SLC9A3: variants seen among roughly 807,000 people sequenced by gnomAD.
SLC9A3 encodes solute carrier family 9 member A3.
A neutral mutation model predicts 86.8 loss-of-function variants in SLC9A3; 37 were observed. The observed-to-expected ratio is 0.43, with a 90% confidence interval of 0.33 to 0.56. The LOEUF (loss-of-function observed/expected upper bound fraction) is 0.56, where lower values mean the gene tolerates loss of function less well. Ranked by LOEUF, SLC9A3 falls within the 20% of genes least tolerant of loss-of-function variation. The pLI is 0.06. For missense variants in SLC9A3, 1,011 were observed against 1,171.9 expected (o/e 0.86, Z 2.00); for synonymous variants, 581 against 528.3 (o/e 1.10, Z -1.37).
At chr5:502,343 C>T (rs756422268) in intron 1 of SLC9A3, among the ~76,000 whole-genome samples, 1 of 152,168 alleles carries the variant, frequency 6.6e-6, no homozygotes, top group Non-Finnish European at 1.5e-5. Context: ...CAGACACAGG[C>T]AGGTCCCAAG....
intron 1 of SLC9A3, among the ~76,000 whole-genome samples, chr5:509,336 C>T (rs1286768792): frequency 3.3e-5 from 5 of 151,944 alleles, no homozygotes; most frequent in Non-Finnish European, 7.4e-5. Flanking sequence ...TGCCTGTAAT[C>T]CCAGCTACTC....
chr5:508,114 T>C (rs1311359415), intron 1 of SLC9A3, among the ~76,000 whole-genome samples: 2 of 152,222 alleles, frequency 1.3e-5, no homozygotes, highest in Admixed American at 1.3e-4. Flanking sequence ...GGGTGACCAG[T>C]GCTCAGGCGC....
chr5:483,436 T>C lies in SLC9A3; in HGVS notation c.979A>G (p.Ile327Val). Reference protein sequence around the residue: ...ICCQKYVKANISEQSATTVRY... With the variant: ...ICCQKYVKANVSEQSATTVRY... ...ACGGTGGTGGCCGACTGCTCCGAGA[T>C]GTTGGCCTTCACATACTTCTGACAG... Residue 327 changes from isoleucine to valine, a missense_variant, in exon 6 of 17, where the codon ATC (isoleucine) becomes GTC (valine). By Grantham distance (29) the Ile-to-Val change is conservative. This residue lies in a region of SLC9A3 where 565 missense variants were observed against 790.0 expected (regional missense o/e 0.72). Transcript: ENST00000264938. The C allele has an allele frequency of 3.8e-6, 6 of 1,568,736 alleles. No individual in the cohort carries two copies. Among genetic ancestry groups the C allele is most frequent in the Non-Finnish European group, 5.2e-6 (6 of 1,158,966 alleles).
At position 482,516 on chromosome 5, in the gene SLC9A3, G is replaced by C. The variant is rs201506268; in HGVS notation, c.1356+32C>G. 5.7e-6 allele frequency: 9 copies of C among 1,566,398 alleles called. No individual in the cohort carries two copies. In the African/African-American group the frequency reaches 8.1e-5, roughly 14 times the overall value. ...CCAGGCTCCCCTCGCGGGCGGGGCC[G>C]AGACCCCAGGGCTGGCTGGGCTGGG... On this transcript the variant is annotated intron_variant, in intron 7 of 16. Transcript: ENST00000264938.
intron 3 of SLC9A3, among the ~76,000 whole-genome samples, chr5:485,885 T>C (rs1437275575): frequency 1.3e-5 from 2 of 152,164 alleles, no homozygotes; most frequent in East Asian, 1.9e-4. Flanking sequence ...CCGGGGTCTC[T>C]TGGGGCCTTC....
intron 1 of SLC9A3, among the ~76,000 whole-genome samples, chr5:506,379 G>A (rs535489161): frequency 1.8e-4 from 28 of 152,310 alleles, no homozygotes; most frequent in Non-Finnish European, 1.9e-4. Context: ...AGGGCAGCCC[G>A]CACAGGGCGC....
At chr5:523,471 A>G (rs1733944189) in intron 1 of SLC9A3, among the ~76,000 whole-genome samples, 1 of 151,958 alleles carries the variant, frequency 6.6e-6, no homozygotes, top group Non-Finnish European at 1.5e-5. Flanking sequence ...CCAACACATG[A>G]AACTTTGATC....
chr5:471,165 A>C lies in SLC9A3; in HGVS notation c.*2214T>G, dbSNP rs1305493668. On this transcript the variant is annotated 3_prime_UTR_variant, in exon 17 of 17. Coordinates refer to ENST00000264938, the MANE Select transcript of SLC9A3 (RefSeq NM_004174.4). ...CCCCGGTGCTGAAGACCGACCAGTC[A>C]AGGAGGTGTTGGTGGGAGTGTTGTG... The C allele has an allele frequency of 6.4e-6, 1 of 156,762 alleles. No homozygotes were observed. Among genetic ancestry groups the C allele is most frequent in the Non-Finnish European group, 1.4e-5 (1 of 70,554 alleles). The allele number at this position is 156,762 out of a possible 1,614,324, so 9.7% of individuals were successfully genotyped here. A position where few individuals can be genotyped will look rare whatever the true frequency, so the allele number is the denominator to read the frequency against.
At chr5:482,834 G>C in intron 6 of SLC9A3, 84 bp from the exon 7 acceptor site, 1 of 1,095,550 alleles carries the variant, frequency 9.1e-7, no homozygotes, top group Non-Finnish European at 1.3e-6. Flanking sequence ...GCGTCTTGGC[G>C]GCCAAGCATG....
At chr5:520,578 A>T (rs1249424219) in intron 1 of SLC9A3, among the ~76,000 whole-genome samples, 2 of 152,012 alleles carry the variant, frequency 1.3e-5, no homozygotes, top group Non-Finnish European at 2.9e-5. Flanking sequence ...TCTCTGCCCC[A>T]TGGCCAGGCA....
At position 511,585 on chromosome 5, in the gene SLC9A3, G is replaced by A. The variant is rs535717448; in HGVS notation, c.211+12527C>T. Reference sequence around the variant, plus strand: ...GGCGGAGCTGCAAATTAAAACACACGGAGACACCACCACGTACCCGTCAGC... The same window carrying A: ...GGCGGAGCTGCAAATTAAAACACACAGAGACACCACCACGTACCCGTCAGC... On this transcript the variant is annotated intron_variant, in intron 1 of 16. Coordinates refer to ENST00000264938, the MANE Select transcript of SLC9A3 (RefSeq NM_004174.4). Among the ~76,000 whole-genome samples the A allele has an allele frequency of 5.3e-5, 8 of 152,328 alleles. No homozygotes were observed. In the East Asian group the frequency reaches 5.8e-4, roughly 11 times the overall value.
intron 1 of SLC9A3, among the ~76,000 whole-genome samples, chr5:509,534 T>C (rs935500848): frequency 1.3e-5 from 2 of 149,236 alleles, no homozygotes; most frequent in Admixed American, 1.3e-4. Flanking sequence ...AAGGAAGGGT[T>C]TGAGGGCAGA....
Position 496,165 on chromosome 5 carries a change from T to A in SLC9A3, c.212-4094A>T, listed in dbSNP as rs565290812. ...CGCCGCATAGGTGGGAGGGCGGCGG[T>A]TTGGAACATTCTGCCATCCGGGGTT... is the stretch of plus-strand genomic sequence containing the variant. On this transcript the variant is annotated intron_variant, in intron 1 of 16. Transcript: ENST00000264938. This position sits in a 1 kb window ranked among gnomAD's most constrained non-coding sequence, Gnocchi z 4.7. Among the ~76,000 whole-genome samples the A allele has an allele frequency of 2.6e-4, 39 of 152,302 alleles. No individual in the cohort carries two copies. Among genetic ancestry groups the A allele is most frequent in the African/African-American group, 9.4e-4 (39 of 41,574 alleles).
At chr5:477,237 C>T (rs1370995665) in intron 11 of SLC9A3, 95 bp downstream of exon 11, 1 of 832,048 alleles carries the variant, frequency 1.2e-6, no homozygotes, top group Non-Finnish European at 1.9e-6. Flanking sequence ...TTCCATGCCA[C>T]CCCCAGGCCA....
At chr5:500,720 GGGTGTGGACGGGGCT>G (rs1358167375) in intron 1 of SLC9A3, among the ~76,000 whole-genome samples, 20 of 141,936 alleles carry the variant, frequency 1.4e-4, no homozygotes, top group African/African-American at 5.3e-4. Flanking sequence ...TGGGGCTGGT[GGGTGTGGACGGGGCT>G]GGTGTGGACG....
chr5:490,279 G>A (rs949970864), intron 2 of SLC9A3, among the ~76,000 whole-genome samples: 3 of 75,186 alleles, frequency 4.0e-5, no homozygotes, highest in South Asian at 3.4e-4. Context: ...CTCATGAGGA[G>A]CGTTGTTGGA....
At chr5:504,615 A>C (rs367577720) in intron 1 of SLC9A3, among the ~76,000 whole-genome samples, 3 of 152,318 alleles carry the variant, frequency 2.0e-5, no homozygotes, top group East Asian at 3.9e-4. Context: ...GTGAGCCCAG[A>C]GGGCTCGGGG....
chr5:477,117 T>C (rs940639760), intron 11 of SLC9A3: 2 of 530,762 alleles, frequency 3.8e-6, no homozygotes, highest in Non-Finnish European at 6.7e-6. Context: ...AGTCCGCTGC[T>C]GCCCCTCCCT....
chr5:512,902 C>T (rs1006164513), intron 1 of SLC9A3, among the ~76,000 whole-genome samples: 16 of 152,178 alleles, frequency 1.1e-4, no homozygotes, highest in African/African-American at 3.9e-4. Context: ...CCTATCAATT[C>T]TGACTCCACG....
Sources: gnomAD v4.1 joint callset for allele counts (sites outside exome capture counted in the v4.1 genomes callset) on GRCh38, gnomAD v4.1.1 for gene constraint, gnomAD v4.1.1 regional missense constraint, Gnocchi (gnomAD v3.1) non-coding constraint, MANE v1.5 for transcripts, NCBI Gene and HGNC (gene_info 2026-07-23, HGNC 2026-07-21) for gene names.